SLC4A2: variants seen among roughly 807,000 people sequenced by gnomAD.
The protein encoded by SLC4A2 is anion exchange protein 2.
Under a neutral mutation model 115.0 loss-of-function variants are expected in SLC4A2, and 36 were observed. The observed-to-expected ratio is 0.31, with a 90% CI of 0.24 to 0.41. The LOEUF (loss-of-function observed/expected upper bound fraction) is 0.41, where lower values mean the gene tolerates loss of function less well. Among genes scored for constraint, SLC4A2 ranks in the 10% least tolerant of loss-of-function variants. The pLI is 1.00. For missense variants in SLC4A2, 1,252 were observed against 1,705.6 expected, an observed-to-expected ratio of 0.73 and a Z score of 4.68; for synonymous variants, 708 against 708.3, an observed-to-expected ratio of 1.00 and a Z score of 0.01.
Position 151,071,917 on chromosome 7 carries a change from A to G in SLC4A2, c.2341-25A>G. 3 of 1,611,860 alleles carry G rather than the reference A, an allele frequency of 1.9e-6. No homozygotes were observed. The highest frequency in any genetic ancestry group is 1.7e-6 in the Non-Finnish European group (2 of 1,178,386). ...CCCACAGCATCCCCACCCAGAGCTC[A>G]GGACCTGACTGCCCCTCCCTCCAGT... On this transcript the variant is annotated intron_variant, in intron 15 of 22. Transcript: ENST00000413384. This position sits in a 1 kb window ranked among gnomAD's most constrained non-coding sequence, Gnocchi z 5.5.
Position 151,067,989 on chromosome 7 carries a change from G to A in SLC4A2, c.1082G>A (p.Gly361Glu). The A allele has an allele frequency of 6.2e-7, 1 of 1,603,218 alleles. No individual in the cohort carries two copies. Among genetic ancestry groups the A allele is most frequent in the East Asian group, 2.3e-5 (1 of 44,174 alleles). Residue 361 changes from glycine (G) to glutamate (E), a missense_variant, in exon 8 of 23, where the codon GGG (glycine) becomes GAG (glutamate). By Grantham distance (98) the Gly-to-Glu change is moderately conservative (BLOSUM62 -2). Coordinates refer to ENST00000413384, the MANE Select transcript of SLC4A2 (RefSeq NM_003040.4). Reference sequence around the variant, plus strand: ...GTGGAGGAGGAGACTGAGCGCTGGGGGAAGCCCCACGTGGCCTCCCTCTCC... The same window carrying A: ...GTGGAGGAGGAGACTGAGCGCTGGGAGAAGCCCCACGTGGCCTCCCTCTCC... ...EDVEEETERW[G>E]KPHVASLSFR... is the part of the protein sequence containing the mutation.
Position 151,075,700 on chromosome 7 carries a change from G to A in SLC4A2, c.3396G>A (p.Gly1132=). ...FLYMGVTSLN[G]IQFYERLHLL... ...ACATGGGAGTCACCTCCCTTAACGG[G>A]ATCCAGTTCTATGAGCGGCTGCATC... The change falls in exon 21 of 23, where the codon GGG becomes GGA. Residue 1132 remains glycine, a synonymous_variant. Transcript: ENST00000413384. The A allele has an allele frequency of 6.2e-7, 1 of 1,612,238 alleles. No homozygotes were observed. Among genetic ancestry groups the A allele is most frequent in the Non-Finnish European group, 8.5e-7 (1 of 1,178,808 alleles).
Position 151,074,759 on chromosome 7 carries a change from T to C in SLC4A2, c.2965T>C (p.Phe989Leu). Reference sequence around the variant, plus strand: ...CAACCCCCTGGGAGAGAAGAGCCCCTTCCCTGTGTGGATGATGGTTGCCAG... The same window carrying C: ...CAACCCCCTGGGAGAGAAGAGCCCCCTCCCTGTGTGGATGATGGTTGCCAG... ...VINPLGEKSP[F>L]PVWMMVASLL... Residue 989 changes from phenylalanine to leucine, a missense_variant, in exon 19 of 23, where the codon TTC (phenylalanine) becomes CTC (leucine). By Grantham distance (22) the Phe-to-Leu change is conservative. This residue lies in a region of SLC4A2 where 253 missense variants were observed against 407.4 expected (regional missense o/e 0.62). Transcript: ENST00000413384. 2 of 1,613,884 alleles carry C rather than the reference T, an allele frequency of 1.2e-6. No individual in the cohort carries two copies. The highest frequency in any genetic ancestry group is 1.7e-6 in the Non-Finnish European group (2 of 1,179,956).
rs1797608679 is a variant in SLC4A2, at chr7:151,075,795, A to G, written c.3471+20A>G. The G allele has an allele frequency of 2.5e-5, 40 of 1,592,898 alleles. No homozygotes were observed. The highest frequency in any genetic ancestry group is 3.3e-5 in the Non-Finnish European group (39 of 1,164,664). On this transcript the variant is annotated intron_variant, in intron 21 of 22. Coordinates refer to ENST00000413384, the MANE Select transcript of SLC4A2 (RefSeq NM_003040.4). ...AAGAAGGTGAGCCCCCCAGCTCCCC[A>G]CCGGAAGGGGTGTGCCTCTGGCCAT...
rs201086697 is a variant in SLC4A2 at position 151,071,193 on chromosome 7, G to T, written c.1871G>T (p.Arg624Leu). The change falls in exon 13 of 23, where the codon CGC becomes CTC. Residue 624 changes from arginine (R) to leucine (L), a missense_variant. Physicochemically the swap from Arg to Leu is moderately radical, Grantham distance 102. Around this residue, in one of 14 missense-constraint regions of SLC4A2, gnomAD observed 122 missense variants for 116.8 expected, o/e 1.04. Transcript: ENST00000413384. This position sits in a 1 kb window ranked among gnomAD's most constrained non-coding sequence, Gnocchi z 5.5. Reference protein sequence around the residue: ...PSEVQGEELLRSVAHFQRQML... With the variant: ...PSEVQGEELLLSVAHFQRQML... ...GAAGTGCAGGGCGAGGAGCTGCTGC[G>T]CTCTGTGGCCCACTTCCAGCGCCAG... is the stretch of plus-strand genomic sequence containing the variant. The T allele has an allele frequency of 2.5e-6, 4 of 1,607,168 alleles. No homozygotes were observed. The highest frequency in any genetic ancestry group is 1.1e-5 in the South Asian group (1 of 89,936).
At chr7:151,075,159 GC>G (rs2150379060) in intron 19 of SLC4A2, 95 bp from the exon 20 acceptor site, 1 of 1,530,932 alleles carries the variant, frequency 6.5e-7, no homozygotes, top group East Asian at 2.3e-5. Context: ...AGGTTCCAAA[GC>G]CAGATGGAGG....
In SLC4A2 at chr7:151,071,305, C is replaced by G; in HGVS notation, c.1975+8C>G. ...AATCTGCCCAAGATAAGGGTACGGC[C>G]AGGGCGGGCTGGGGCCAGGGCTGCC... On this transcript the variant is annotated splice_region_variant and intron_variant, in intron 13 of 22. Coordinates refer to ENST00000413384, the MANE Select transcript of SLC4A2 (RefSeq NM_003040.4). This position sits in a 1 kb window ranked among gnomAD's most constrained non-coding sequence, Gnocchi z 5.5. 6.5e-7 allele frequency: 1 copy of G among 1,547,766 alleles called. No homozygotes were observed. Among genetic ancestry groups the G allele is most frequent in the Non-Finnish European group, 8.7e-7 (1 of 1,148,332 alleles).
rs911171730 is a variant in SLC4A2 at position 151,075,239 on chromosome 7, C to T, written c.3048-16C>T. ...GAGTCCAGCCTGGGCCTCAGCAGCA[C>T]CCCTCCCGCTCTCAGGCTCATCATC... is the stretch of plus-strand genomic sequence containing the variant. On this transcript the variant is annotated splice_polypyrimidine_tract_variant and intron_variant, in intron 19 of 22. Coordinates refer to ENST00000413384, the MANE Select transcript of SLC4A2 (RefSeq NM_003040.4). 5.6e-6 allele frequency: 9 copies of T among 1,611,468 alleles called. No individual in the cohort carries two copies. In the Admixed American group the frequency reaches 1.5e-4, roughly 27 times the overall value.
At chr7:151,062,125 G>C in intron 2 of SLC4A2, 87 bp downstream of exon 2, 1 of 896,086 alleles carries the variant, frequency 1.1e-6, no homozygotes, top group Non-Finnish European at 1.7e-6. Flanking sequence ...CCAACCAGGG[G>C]TGTGAGCGTG....
intron 19 of SLC4A2, 143 bp from the exon 20 acceptor site, chr7:151,075,112 C>A: frequency 8.1e-7 from 1 of 1,229,822 alleles, no homozygotes; most frequent in Non-Finnish European, 1.2e-6. Flanking sequence ...TGCTCTGTAA[C>A]GGAATTTGAA....
In SLC4A2 at chr7:151,071,348, G is replaced by A; in HGVS notation, c.1976-42G>A. On this transcript the variant is annotated intron_variant, in intron 13 of 22. Coordinates refer to ENST00000413384, the MANE Select transcript of SLC4A2 (RefSeq NM_003040.4). This position sits in a 1 kb window ranked among gnomAD's most constrained non-coding sequence, Gnocchi z 5.5. The stretch of plus-strand genomic sequence containing the variant: ...GGGCTGCCTCGAGGGGGTGAGGTGG[G>A]CAAGAGGGGCTGGGGCGCCCTGACG... The A allele has an allele frequency of 6.5e-7, 1 of 1,549,976 alleles. No homozygotes were observed. Among genetic ancestry groups the A allele is most frequent in the Non-Finnish European group, 8.7e-7 (1 of 1,151,490 alleles).
At position 151,075,827 on chromosome 7, in the gene SLC4A2, C is replaced by T; in HGVS notation, c.3471+52C>T. 8 of 1,560,798 alleles carry T rather than the reference C, an allele frequency of 5.1e-6. No individual in the cohort carries two copies. In the East Asian group the frequency reaches 6.8e-5, roughly 13 times the overall value. On this transcript the variant is annotated intron_variant, in intron 21 of 22. Transcript: ENST00000413384. ...GGGGTGTGCCTCTGGCCATCCTGGT[C>T]TACTTGGGTCACTCTCCAGCTGCCC...
rs1464823771 is a variant in SLC4A2, at chr7:151,063,115, T to A, written c.51+1077T>A. On this transcript the variant is annotated intron_variant, in intron 2 of 22. Coordinates refer to ENST00000413384, the MANE Select transcript of SLC4A2 (RefSeq NM_003040.4). ...CCAGGCGGCTGCCGCTTAGCTGGGC[T>A]GAGCTCTTACAAGCGCCGCATTCCC... is the stretch of plus-strand genomic sequence containing the variant. 14 of 1,519,356 alleles carry A rather than the reference T, an allele frequency of 9.2e-6. No individual in the cohort carries two copies. The East Asian group carries it at 3.4e-4, about 36-fold the overall frequency. 94.1% of individuals were successfully genotyped at this position (1,519,356 alleles called of 1,614,324 possible).
chr7:151,066,792 C>A, intron 6 of SLC4A2, 31 bp downstream of exon 6: 1 of 1,588,320 alleles, frequency 6.3e-7, no homozygotes. Flanking sequence ...AAGCCCGGCA[C>A]TGGTGGGCAA....
At chr7:151,065,086 C>T (rs1285145248) in intron 5 of SLC4A2, 120 bp downstream of exon 5, 6 of 741,670 alleles carry the variant, frequency 8.1e-6, no homozygotes, top group East Asian at 5.0e-5. Flanking sequence ...ATCCCAGGCC[C>T]GCACTCACTG....
Position 151,062,899 on chromosome 7 carries a change from A to G in SLC4A2, c.51+861A>G, listed in dbSNP as rs983408289. On this transcript the variant is annotated intron_variant, in intron 2 of 22. Coordinates refer to ENST00000413384, the MANE Select transcript of SLC4A2 (RefSeq NM_003040.4). The stretch of plus-strand genomic sequence containing the variant: ...CTCCAGTCCCCACCTCGCCCCTAAG[A>G]CCCGCCCTTCACCCCAGCCCTCCCC... 5.8e-6 allele frequency: 8 copies of G among 1,388,362 alleles called. No homozygotes were observed. In the African/African-American group the frequency reaches 1.2e-4, roughly 21 times the overall value. The allele number at this position is 1,388,362 out of a possible 1,614,324, so 86.0% of individuals were successfully genotyped here.
chr7:151,076,438 ATG>A lies in SLC4A2; in HGVS notation c.*72_*73del. On this transcript the variant is annotated 3_prime_UTR_variant, in exon 23 of 23. Transcript: ENST00000413384. The stretch of plus-strand genomic sequence containing the variant: ...CTGGTGGGATGGGGTTCCCCCTCCC[ATG>A]CCCCTCCCTCCTTTTTATTTAAGTG... 8.6e-7 allele frequency: 1 copy of A among 1,167,396 alleles called. No homozygotes were observed. Among genetic ancestry groups the A allele is most frequent in the Non-Finnish European group, 1.2e-6 (1 of 855,410 alleles). The allele number at this position is 1,167,396 out of a possible 1,614,324, so 72.3% of individuals were successfully genotyped here.
intron 8 of SLC4A2, among the ~76,000 whole-genome samples, chr7:151,069,289 T>G (rs1289231627): frequency 6.6e-6 from 1 of 152,176 alleles, no homozygotes; most frequent in African/African-American, 2.4e-5. Context: ...CGTTGTGGTC[T>G]CCAGCCTGGC....
chr7:151,070,143 T>A (rs1797381111), intron 9 of SLC4A2, 38 bp from the exon 10 acceptor site: 1 of 1,614,060 alleles, frequency 6.2e-7, no homozygotes, highest in Non-Finnish European at 8.5e-7. Flanking sequence ...GCCCTTGTCA[T>A]TGACCCTCCT....
Sources: allele counts gnomAD v4.1 joint callset (sites outside exome capture counted in the v4.1 genomes callset), GRCh38; gene constraint gnomAD v4.1.1; regional missense constraint gnomAD v4.1.1; non-coding constraint Gnocchi (gnomAD v3.1); transcripts MANE v1.5; gene names NCBI Gene and HGNC (gene_info 2026-07-23, HGNC 2026-07-21).